The following HBD variants were observed in gnomAD, a reference collection of about 807,000 sequenced individuals.
HBD encodes delta globin.
HBD carries 11 observed loss-of-function variants against 9.2 expected under a neutral mutation model. The ratio of observed to expected loss-of-function variants is 1.20; its 90% confidence interval spans 0.76 to 1.99. The LOEUF is 1.99. Among genes scored for constraint, HBD ranks in the 30% most tolerant of loss-of-function variants. The probability of loss-of-function intolerance (pLI) is 0.00; values close to 1 mark genes in which losing one functional copy is unlikely to be tolerated. For missense variants in HBD, 189 were observed against 174.3 expected (o/e 1.08, Z -0.47); for synonymous variants, 83 against 69.4 (o/e 1.20, Z -0.98).
chr11:5,233,064 A>G lies in HBD; in HGVS notation c.344T>C (p.Leu115Pro). The G allele has an allele frequency of 6.2e-7, 1 of 1,614,080 alleles. No individual in the cohort carries two copies. Reference sequence around the variant, plus strand: ...GAATTCCTTGCCAAAGTTGCGGGCCAGCACACACACCAGCACATTGCCCAA... The same window carrying G: ...GAATTCCTTGCCAAAGTTGCGGGCCGGCACACACACCAGCACATTGCCCAA... ...RLLGNVLVCV[L>P]ARNFGKEFTP... Residue 115 changes from leucine (L) to proline (P), a missense_variant, in exon 3 of 3, where the codon CTG becomes CCG. Leu to Pro is a moderately conservative substitution (Grantham distance 98). Transcript: ENST00000650601.
chr11:5,232,868 C>T lies in HBD; in HGVS notation c.*96G>A. ...CTGAACATTCTTTATTAGGCAGAAG[C>T]CATACCCTTGAAGTAGGCATTGTGT... is the stretch of plus-strand genomic sequence containing the variant. On this transcript the variant is annotated 3_prime_UTR_variant, in exon 3 of 3. Coordinates refer to ENST00000650601, the MANE Select transcript of HBD (RefSeq NM_000519.4). The T allele has an allele frequency of 4.3e-6, 7 of 1,612,944 alleles. No individual in the cohort carries two copies. Among genetic ancestry groups the T allele is most frequent in the Non-Finnish European group, 5.1e-6 (6 of 1,179,004 alleles).
Position 5,232,943 on chromosome 11 carries a change from A to G in HBD, c.*21T>C. 1 of 1,614,056 alleles carries G rather than the reference A, an allele frequency of 6.2e-7. No homozygotes were observed. The highest frequency in any genetic ancestry group is 8.5e-7 in the Non-Finnish European group (1 of 1,179,906). On this transcript the variant is annotated 3_prime_UTR_variant, in exon 3 of 3. Transcript: ENST00000650601. Reference sequence around the variant, plus strand: ...AGGGAAATAGGGTCTTCTTATGGTTATCAGGAAACAGTCCAGGATCTCAAT... The same window carrying G: ...AGGGAAATAGGGTCTTCTTATGGTTGTCAGGAAACAGTCCAGGATCTCAAT...
chr11:5,234,406 T>G lies in HBD; in HGVS notation c.28A>C (p.Thr10Pro). The G allele has an allele frequency of 6.2e-7, 1 of 1,613,796 alleles. No homozygotes were observed. The highest frequency in any genetic ancestry group is 8.5e-7 in the Non-Finnish European group (1 of 1,179,710). Residue 10 changes from threonine (T) to proline (P), a missense_variant, in exon 1 of 3, where the codon ACT (threonine) becomes CCT (proline). Physicochemically the swap from Thr to Pro is conservative, Grantham distance 38 (BLOSUM62 -1). Transcript: ENST00000650601. MVHLTPEEK[T>P]AVNALWGKVN... ...TTGCCCCACAGGGCATTGACAGCAG[T>G]CTTCTCCTCAGGAGTCAGATGCACC...
Position 5,234,113 on chromosome 11 carries a change from C to T in HBD, c.193G>A (p.Gly65Ser), listed in dbSNP as rs1564879125. 19 of 1,613,938 alleles carry T rather than the reference C, an allele frequency of 1.2e-5. No homozygotes were observed. The South Asian group carries it at 1.2e-4, about 10-fold the overall frequency. Residue 65 changes from glycine (G) to serine (S), a missense_variant, in exon 2 of 3, where the codon GGC becomes AGC. Coordinates refer to ENST00000650601, the MANE Select transcript of HBD (RefSeq NM_000519.4). ...CTAAAGGCACCTAGCACCTTCTTGC[C>T]ATGAGCCTTCACCTTAGGGTTGCCC... is the stretch of plus-strand genomic sequence containing the variant. ...VMGNPKVKAH[G>S]KKVLGAFSDG... is the part of the protein sequence containing the mutation.
Position 5,233,059 on chromosome 11 carries a change from G to C in HBD, c.349C>G (p.Arg117Gly), listed in dbSNP as rs33971270. 1.2e-6 allele frequency: 2 copies of C among 1,614,010 alleles called. No homozygotes were observed. Among genetic ancestry groups the C allele is most frequent in the Non-Finnish European group, 1.7e-6 (2 of 1,179,950 alleles). ...LGNVLVCVLA[R>G]NFGKEFTPQM... ...GGGGTGAATTCCTTGCCAAAGTTGC[G>C]GGCCAGCACACACACCAGCACATTG... is the stretch of plus-strand genomic sequence containing the variant. Residue 117 changes from arginine (R) to glycine (G), a missense_variant, in exon 3 of 3, where the codon CGC becomes GGC. Coordinates refer to ENST00000650601, the MANE Select transcript of HBD (RefSeq NM_000519.4).
intron 1 of HBD, 46 bp from the exon 2 acceptor site, chr11:5,234,259 C>G (rs1201032494): frequency 3.8e-6 from 6 of 1,599,832 alleles, no homozygotes; most frequent in Non-Finnish European, 5.1e-6. Flanking sequence ...CAGTGCCTAT[C>G]AGAAACCCAA....
chr11:5,233,326 A>G (rs1251846514), intron 2 of HBD, among the ~76,000 whole-genome samples: 1 of 152,200 alleles, frequency 6.6e-6, no homozygotes, highest in Non-Finnish European at 1.5e-5. Flanking sequence ...ATATGTACAT[A>G]TATGCTATAT....
At position 5,232,892 on chromosome 11, in the gene HBD, G is replaced by C; in HGVS notation, c.*72C>G. ...GCCATACCCTTGAAGTAGGCATTGT[G>C]TTCCCAAGTTCAGAAAATAGAATCT... On this transcript the variant is annotated 3_prime_UTR_variant, in exon 3 of 3. Transcript: ENST00000650601. 4 of 1,612,006 alleles carry C rather than the reference G, an allele frequency of 2.5e-6. No individual in the cohort carries two copies. The highest frequency in any genetic ancestry group is 3.4e-6 in the Non-Finnish European group (4 of 1,178,114).
rs1456294062 is a variant in HBD, at chr11:5,234,192, C to T, written c.114G>A (p.Trp38Ter). ...ALGRLLVVYP[W>*]TQRFFESFGD... ...CAAAGGACTCAAAGAACCTCTGGGT[C>T]CAAGGGTAGACCACCAGTAATCTGA... The change falls in exon 2 of 3, where the codon TGG becomes TGA. Residue 38 changes from tryptophan to a stop codon, truncating the protein, a stop_gained. Transcript: ENST00000650601. LOFTEE classifies it high-confidence loss of function. 6.2e-7 allele frequency: 1 copy of T among 1,614,046 alleles called. No homozygotes were observed. Among genetic ancestry groups the T allele is most frequent in the Non-Finnish European group, 8.5e-7 (1 of 1,179,958 alleles).
intron 2 of HBD, among the ~76,000 whole-genome samples, chr11:5,233,707 C>A (rs1455766609): frequency 2.0e-5 from 3 of 151,786 alleles, no homozygotes; most frequent in African/African-American, 7.3e-5. Context: ...GCAGAATTAG[C>A]AGGTGAGAGC....
At chr11:5,233,237 A>C in intron 2 of HBD, 145 bp from the exon 3 acceptor site, 1 of 763,210 alleles carries the variant, frequency 1.3e-6, no homozygotes, top group Non-Finnish European at 2.3e-6. Context: ...AGCATAAATA[A>C]GTACATATAT....
rs1281807377 is a variant in HBD at position 5,232,973 on chromosome 11, C to T, written c.435G>A (p.Lys145=). ...GAAACAGTCCAGGATCTCAATGGTA[C>T]TTGTGAGCCAGGGCATTAGCCACAC... ...VAGVANALAH[K]YH is the part of the protein sequence containing the mutation. The change falls in exon 3 of 3, where the codon AAG becomes AAA. Residue 145 remains lysine, a synonymous_variant. Coordinates refer to ENST00000650601, the MANE Select transcript of HBD (RefSeq NM_000519.4). 3.7e-6 allele frequency: 6 copies of T among 1,613,998 alleles called. No homozygotes were observed. Among genetic ancestry groups the T allele is most frequent in the Admixed American group, 1.7e-5 (1 of 60,006 alleles).
chr11:5,233,602 G>A (rs1174625841), intron 2 of HBD, among the ~76,000 whole-genome samples: 1 of 152,066 alleles, frequency 6.6e-6, no homozygotes, highest in Non-Finnish European at 1.5e-5. Flanking sequence ...ATTGTAAAAT[G>A]ATTTATAGCC....
chr11:5,233,191 A>G (rs1847692645), intron 2 of HBD, 99 bp from the exon 3 acceptor site: 1 of 1,247,650 alleles, frequency 8.0e-7, no homozygotes, highest in African/African-American at 1.5e-5. Flanking sequence ...TTCTGCCCAA[A>G]TCTTAGACAA....
chr11:5,233,184 T>C, intron 2 of HBD, 92 bp from the exon 3 acceptor site: 1 of 1,384,612 alleles, frequency 7.2e-7, no homozygotes, highest in Non-Finnish European at 1.0e-6. Flanking sequence ...CATTTTTTTC[T>C]GCCCAAATCT....
chr11:5,233,193 C>A lies in HBD; in HGVS notation c.316-101G>T, dbSNP rs1847692672. On this transcript the variant is annotated intron_variant, in intron 2 of 2. Transcript: ENST00000650601. ...AACACCCATTTTTTTCTGCCCAAAT[C>A]TTAGACAAAACTGATCCCCAGGTTA... 7.3e-6 allele frequency: 9 copies of A among 1,240,888 alleles called. No individual in the cohort carries two copies. In the South Asian group the frequency reaches 1.1e-4, roughly 15 times the overall value. 76.9% of individuals were successfully genotyped at this position (1,240,888 alleles called of 1,614,324 possible).
At position 5,233,056 on chromosome 11, in the gene HBD, T is replaced by C. The variant is rs36049174; in HGVS notation, c.352A>G (p.Asn118Asp). 1 of 1,614,050 alleles carries C rather than the reference T, an allele frequency of 6.2e-7. No homozygotes were observed. The highest frequency in any genetic ancestry group is 1.1e-5 in the South Asian group (1 of 91,078). ...TGTGGGGTGAATTCCTTGCCAAAGT[T>C]GCGGGCCAGCACACACACCAGCACA... Reference protein sequence around the residue: ...GNVLVCVLARNFGKEFTPQMQ... With the variant: ...GNVLVCVLARDFGKEFTPQMQ... Residue 118 changes from asparagine (N) to aspartate (D), a missense_variant, in exon 3 of 3, where the codon AAC becomes GAC. Asn to Asp is a conservative substitution (Grantham distance 23, BLOSUM62 1). Coordinates refer to ENST00000650601, the MANE Select transcript of HBD (RefSeq NM_000519.4).
rs35848600 is a variant in HBD at position 5,232,980 on chromosome 11, G to A, written c.428C>T (p.Ala143Val). 1 of 1,614,058 alleles carries A rather than the reference G, an allele frequency of 6.2e-7. No homozygotes were observed. The highest frequency in any genetic ancestry group is 2.2e-5 in the East Asian group (1 of 44,892). ...TCCAGGATCTCAATGGTACTTGTGA[G>A]CCAGGGCATTAGCCACACCAGCCAC... ...KVVAGVANAL[A>V]HKYH The change falls in exon 3 of 3, where the codon GCT becomes GTT. Residue 143 changes from alanine (A) to valine (V), a missense_variant. By Grantham distance (64) the Ala-to-Val change is moderately conservative. Coordinates refer to ENST00000650601, the MANE Select transcript of HBD (RefSeq NM_000519.4).
chr11:5,234,095 C>G lies in HBD; in HGVS notation c.211G>C (p.Ala71Pro). 1 of 1,614,106 alleles carries G rather than the reference C, an allele frequency of 6.2e-7. No homozygotes were observed. The highest frequency in any genetic ancestry group is 8.5e-7 in the Non-Finnish European group (1 of 1,179,990). ...AGGTGAGCCAGGCCATCACTAAAGGCACCTAGCACCTTCTTGCCATGAGCC... is the reference window on the plus strand; with the variant it reads ...AGGTGAGCCAGGCCATCACTAAAGGGACCTAGCACCTTCTTGCCATGAGCC... ...VKAHGKKVLG[A>P]FSDGLAHLDN... The change falls in exon 2 of 3, where the codon GCC becomes CCC. Residue 71 changes from alanine to proline, a missense_variant. Coordinates refer to ENST00000650601, the MANE Select transcript of HBD (RefSeq NM_000519.4).
Sources: allele counts gnomAD v4.1 joint callset (sites outside exome capture counted in the v4.1 genomes callset), GRCh38; gene constraint gnomAD v4.1.1; transcripts MANE v1.5; gene names NCBI Gene and HGNC (gene_info 2026-07-23, HGNC 2026-07-21).